The following ZNF783 variants were observed in gnomAD, a reference collection of about 807,000 sequenced individuals.
ZNF783 encodes protein ZNF783.
In ZNF783, 25 loss-of-function variants were observed where a neutral mutation model predicts 31.3. That is an observed-to-expected ratio of 0.80 (90% CI 0.58 to 1.11). ZNF783 has a LOEUF of 1.11. Ranked by LOEUF, ZNF783 falls within the 50% of genes most tolerant of loss-of-function variation. ZNF783 has a pLI of 0.00. For missense variants in ZNF783, 797 were observed against 760.0 expected, an observed-to-expected ratio of 1.05 and a Z score of -0.57; for synonymous variants, 369 against 319.1, an observed-to-expected ratio of 1.16 and a Z score of -1.66.
rs770404088 is a variant in ZNF783 at position 149,281,553 on chromosome 7, C to T, written c.851C>T (p.Thr284Met). 5.5e-5 allele frequency: 81 copies of T among 1,485,552 alleles called. No individual in the cohort carries two copies. In the Middle Eastern group the frequency reaches 5.0e-3, roughly 92 times the overall value. 92.0% of individuals were successfully genotyped at this position (1,485,552 alleles called of 1,614,324 possible). A position where few individuals can be genotyped will look rare whatever the true frequency, so the allele number is the denominator to read the frequency against. ...KTEAQSEDEM[T>M]PERLFLGVSR... Reference sequence around the variant, plus strand: ...GAGGCACAGTCTGAAGACGAGATGACGCCTGAGCGGCTCTTTCTGGGGGTG... The same window carrying T: ...GAGGCACAGTCTGAAGACGAGATGATGCCTGAGCGGCTCTTTCTGGGGGTG... The change falls in exon 6 of 6, where the codon ACG becomes ATG. Residue 284 changes from threonine to methionine, a missense_variant. Thr to Met is a moderately conservative substitution (Grantham distance 81). Transcript: ENST00000434415.
intron 4 of ZNF783, among the ~76,000 whole-genome samples, chr7:149,274,073 T>C (rs1797269443): frequency 6.6e-6 from 1 of 152,254 alleles, no homozygotes; most frequent in South Asian, 2.1e-4. Context: ...GCTTTTTAAC[T>C]TGATGTGATC....
At chr7:149,279,251 AT>A (rs1797403247) in intron 5 of ZNF783, among the ~76,000 whole-genome samples, 1 of 152,110 alleles carries the variant, frequency 6.6e-6, no homozygotes, top group South Asian at 2.1e-4. Flanking sequence ...GGCTCTGCTC[AT>A]GGAGTTGGAG....
intron 1 of ZNF783, among the ~76,000 whole-genome samples, chr7:149,265,613 C>A (rs778314228): frequency 2.6e-5 from 4 of 152,188 alleles, no homozygotes; most frequent in Non-Finnish European, 5.9e-5. Context: ...CCAGAAGCTC[C>A]ACCTCCAAAT....
chr7:149,262,468 A>C, intron 1 of ZNF783, 111 bp downstream of exon 1: 2 of 920,840 alleles, frequency 2.2e-6, no homozygotes, highest in Non-Finnish European at 2.8e-6. Context: ...CCTTGCGCGC[A>C]GCCTCCGCGC....
At chr7:149,266,078 T>G (rs1276231065) in intron 1 of ZNF783, among the ~76,000 whole-genome samples, 12 of 152,224 alleles carry the variant, frequency 7.9e-5, no homozygotes, top group African/African-American at 2.9e-4. Flanking sequence ...AGCTAGCCTG[T>G]AGGACAGGAG....
chr7:149,282,195 A>T lies in ZNF783; in HGVS notation c.1493A>T (p.Gln498Leu). 6.3e-7 allele frequency: 1 copy of T among 1,599,916 alleles called. No homozygotes were observed. Among genetic ancestry groups the T allele is most frequent in the Non-Finnish European group, 8.5e-7 (1 of 1,179,228 alleles). The change falls in exon 6 of 6, where the codon CAG becomes CTG. Residue 498 changes from glutamine (Q) to leucine (L), a missense_variant. By Grantham distance (113) the Gln-to-Leu change is moderately radical. Transcript: ENST00000434415. Reference sequence around the variant, plus strand: ...GGTGAGCGGCCCTACCAGTGCCCCCAGTGTGGCCGGACCTTCAACCGCAAC... The same window carrying T: ...GGTGAGCGGCCCTACCAGTGCCCCCTGTGTGGCCGGACCTTCAACCGCAAC... ...HTGERPYQCP[Q>L]CGRTFNRNHH...
rs1363702948 is a variant in ZNF783 at position 149,284,330 on chromosome 7, G to A, written c.*1987G>A. ...GTCTTGAGCAGAGTTGGGGGCCAATGGTAGCATTGCTGTCATCTCTGGGAG... is the reference window on the plus strand; with the variant it reads ...GTCTTGAGCAGAGTTGGGGGCCAATAGTAGCATTGCTGTCATCTCTGGGAG... On this transcript the variant is annotated 3_prime_UTR_variant, in exon 6 of 6. Coordinates refer to ENST00000434415, the MANE Select transcript of ZNF783 (RefSeq NM_001195220.2). The A allele has an allele frequency of 1.3e-5, 2 of 152,304 alleles. No individual in the cohort carries two copies. Among genetic ancestry groups the A allele is most frequent in the Non-Finnish European group, 2.9e-5 (2 of 68,104 alleles). 9.4% of individuals were successfully genotyped at this position (152,304 alleles called of 1,614,324 possible).
At chr7:149,271,718 A>G (rs1364017876) in intron 4 of ZNF783, among the ~76,000 whole-genome samples, 13 of 152,248 alleles carry the variant, frequency 8.5e-5, no homozygotes, top group South Asian at 2.1e-4. Flanking sequence ...GCCTCTCACT[A>G]TAGATAATCA....
intron 4 of ZNF783, among the ~76,000 whole-genome samples, chr7:149,271,692 C>G (rs1051481295): frequency 1.3e-5 from 2 of 152,218 alleles, no homozygotes; most frequent in East Asian, 1.9e-4. Context: ...AAGGAAGTCT[C>G]GTTTCCATCC....
chr7:149,279,402 C>G (rs1331256217), intron 5 of ZNF783, among the ~76,000 whole-genome samples: 14 of 152,216 alleles, frequency 9.2e-5, no homozygotes, highest in Admixed American at 8.5e-4. Context: ...TTAGCACTGG[C>G]CTGCAGGAGT....
At chr7:149,267,993 C>T (rs1797123763) in intron 4 of ZNF783, among the ~76,000 whole-genome samples, 1 of 152,186 alleles carries the variant, frequency 6.6e-6, no homozygotes, top group African/African-American at 2.4e-5. Context: ...GCCAGGCATG[C>T]CCTGTCCTTG....
intron 4 of ZNF783, 110 bp downstream of exon 4, chr7:149,267,332 C>A: frequency 7.0e-7 from 1 of 1,422,686 alleles, no homozygotes; most frequent in African/African-American, 1.4e-5. Flanking sequence ...GGAGCATAGA[C>A]CATTAACCCA....
rs373977749 is a variant in ZNF783 at position 149,281,687 on chromosome 7, C to T, written c.985C>T (p.Arg329Trp). Reference sequence around the variant, plus strand: ...GCCCAGGGTGCGGGCAGGGGAGCCACGGCCACCGGGGGCCAGTGGGGAGAC... The same window carrying T: ...GCCCAGGGTGCGGGCAGGGGAGCCATGGCCACCGGGGGCCAGTGGGGAGAC... ...GMPRVRAGEP[R>W]PPGASGETPR... The change falls in exon 6 of 6, where the codon CGG (arginine) becomes TGG (tryptophan). Residue 329 changes from arginine to tryptophan, a missense_variant. By Grantham distance (101) the Arg-to-Trp change is moderately radical (BLOSUM62 -3). Transcript: ENST00000434415. 12 of 1,498,920 alleles carry T rather than the reference C, an allele frequency of 8.0e-6. No individual in the cohort carries two copies. The highest frequency in any genetic ancestry group is 3.6e-4 in the Middle Eastern group (2 of 5,630). The allele number at this position is 1,498,920 out of a possible 1,614,324, so 92.9% of individuals were successfully genotyped here.
intron 4 of ZNF783, chr7:149,277,901 C>T (rs373901789): frequency 1.1e-5 from 2 of 175,630 alleles, no homozygotes; most frequent in East Asian, 1.4e-4. Context: ...TATATAGACA[C>T]GGGTTCTAAG....
intron 1 of ZNF783, 57 bp from the exon 2 acceptor site, chr7:149,266,278 T>C (rs1034453206): frequency 3.8e-5 from 55 of 1,455,718 alleles, no homozygotes; most frequent in Non-Finnish European, 4.1e-5. Flanking sequence ...GTTTTTGAGG[T>C]GGAAGTTTTG....
In ZNF783 at chr7:149,278,545, G is replaced by A; in HGVS notation, c.802+18G>A. The stretch of plus-strand genomic sequence containing the variant: ...AGAAGCAGGTGAGTGAGGACAGTGA[G>A]GCGGCAGGATGAACAGTGTCCCGAG... On this transcript the variant is annotated intron_variant, in intron 5 of 5. Transcript: ENST00000434415. 1 of 1,599,160 alleles carries A rather than the reference G, an allele frequency of 6.3e-7. No homozygotes were observed. Among genetic ancestry groups the A allele is most frequent in the Non-Finnish European group, 8.5e-7 (1 of 1,179,666 alleles).
Position 149,278,395 on chromosome 7 carries a change from C to T in ZNF783, c.674-4C>T. On this transcript the variant is annotated splice_region_variant and splice_polypyrimidine_tract_variant and intron_variant, in intron 4 of 5. Coordinates refer to ENST00000434415, the MANE Select transcript of ZNF783 (RefSeq NM_001195220.2). ...GCTCAATGTCACTGATTTACATTCT[C>T]CAGGCCTCCCTCCGTATCCAGAGCA... is the stretch of plus-strand genomic sequence containing the variant. The T allele has an allele frequency of 6.3e-7, 1 of 1,599,184 alleles. No homozygotes were observed. The highest frequency in any genetic ancestry group is 8.5e-7 in the Non-Finnish European group (1 of 1,179,684).
At chr7:149,264,743 G>A (rs1053855045) in intron 1 of ZNF783, among the ~76,000 whole-genome samples, 1 of 151,728 alleles carries the variant, frequency 6.6e-6, no homozygotes, top group Non-Finnish European at 1.5e-5. Flanking sequence ...TGTGGTGGCG[G>A]GCGTCTGTAG....
rs772767429 is a variant in ZNF783 at position 149,281,890 on chromosome 7, G to C, written c.1188G>C (p.Pro396=). The C allele has an allele frequency of 9.9e-6, 15 of 1,510,668 alleles. No individual in the cohort carries two copies. The highest frequency in any genetic ancestry group is 1.3e-5 in the South Asian group (1 of 76,892). 93.6% of individuals were successfully genotyped at this position (1,510,668 alleles called of 1,614,324 possible). A position where few individuals can be genotyped will look rare whatever the true frequency, so the allele number is the denominator to read the frequency against. The change falls in exon 6 of 6, where the codon CCG becomes CCC. Residue 396 remains proline (P), a synonymous_variant. Coordinates refer to ENST00000434415, the MANE Select transcript of ZNF783 (RefSeq NM_001195220.2). The part of the protein sequence containing the change: ...SCGDSQAMLE[P]GEVVVPGPVI... ...GGGACAGCCAGGCCATGCTGGAGCC[G>C]GGGGAGGTGGTGGTACCCGGCCCTG...
Sources: gnomAD v4.1 joint callset for allele counts (sites outside exome capture counted in the v4.1 genomes callset) on GRCh38, gnomAD v4.1.1 for gene constraint, MANE v1.5 for transcripts, NCBI Gene and HGNC (gene_info 2026-07-23, HGNC 2026-07-21) for gene names.